MRC1: variants seen among roughly 807,000 people sequenced by gnomAD.
MRC1 encodes the protein mannose receptor C-type 1, also known as macrophage mannose receptor 1.
In MRC1, 62 loss-of-function variants were observed where a neutral mutation model predicts 102.9. The ratio of observed to expected loss-of-function variants is 0.60; its 90% CI spans 0.49 to 0.74. The LOEUF is 0.74. Among genes scored for constraint, MRC1 ranks in the 30% least tolerant of loss-of-function variants. MRC1 has a pLI of 0.00. For missense variants in MRC1, 1,237 were observed against 862.8 expected (o/e 1.43, Z -5.43); for synonymous variants, 457 against 298.4 (o/e 1.53, Z -5.48).
At chr10:17,817,348 C>A (rs1231640481) in intron 1 of MRC1, among the ~76,000 whole-genome samples, 1 of 151,362 alleles carries the variant, frequency 6.6e-6, no homozygotes, top group Non-Finnish European at 1.5e-5. Flanking sequence ...AAACTTATTG[C>A]ATGTTACTGG....
At chr10:17,839,336 C>G (rs1227929950) in intron 4 of MRC1, among the ~76,000 whole-genome samples, 2 of 152,148 alleles carry the variant, frequency 1.3e-5, no homozygotes, top group African/African-American at 2.4e-5. Context: ...AACTTAAATA[C>G]ACTTATTTTC....
intron 22 of MRC1, among the ~76,000 whole-genome samples, chr10:17,892,794 G>A (rs984335211): frequency 1.4e-4 from 21 of 152,036 alleles, no homozygotes; most frequent in Non-Finnish European, 2.5e-4. Flanking sequence ...GGCAGTTCAC[G>A]AGGTCAAGAG....
At chr10:17,855,259 G>T (rs1833069081) in intron 8 of MRC1, among the ~76,000 whole-genome samples, 4 of 152,172 alleles carry the variant, frequency 2.6e-5, no homozygotes, top group African/African-American at 9.6e-5. Flanking sequence ...AGACAGAGCT[G>T]ACTGCAGGGA....
chr10:17,879,605 C>T, intron 18 of MRC1, 116 bp from the exon 19 acceptor site: 1 of 778,514 alleles, frequency 1.3e-6, no homozygotes, highest in East Asian at 2.4e-5. Context: ...TCAGGTGATC[C>T]ACTCGCCTCG....
intron 11 of MRC1, among the ~76,000 whole-genome samples, chr10:17,865,030 C>T (rs1468379773): frequency 1.3e-5 from 2 of 152,062 alleles, no homozygotes; most frequent in African/African-American, 2.4e-5. Flanking sequence ...GAAATAGTCT[C>T]GGAAAGATTC....
In MRC1 at chr10:17,872,262, G is replaced by C. The variant is rs1037617273; in HGVS notation, c.2344+136G>C. 3.2e-5 allele frequency: 24 copies of C among 759,470 alleles called. No individual in the cohort carries two copies. The African/African-American group carries it at 4.1e-4, about 13-fold the overall frequency. The allele number at this position is 759,470 out of a possible 1,614,324, so 47.0% of individuals were successfully genotyped here. ...AACTGTCAGTGGCCATCATTGCATA[G>C]GATAAGCATGAAGTTGATAAGCACA... On this transcript the variant is annotated intron_variant, in intron 15 of 29. Coordinates refer to ENST00000569591, the MANE Select transcript of MRC1 (RefSeq NM_002438.4).
intron 11 of MRC1, 29 bp from the exon 12 acceptor site, chr10:17,866,533 G>C (rs1833270163): frequency 1.3e-6 from 1 of 780,748 alleles, no homozygotes; most frequent in African/African-American, 1.7e-5. Context: ...CACCTGTCAA[G>C]TGAATTCTAC....
chr10:17,858,938 C>T (rs1245628304), intron 9 of MRC1, among the ~76,000 whole-genome samples: 2 of 152,210 alleles, frequency 1.3e-5, no homozygotes, highest in Admixed American at 1.3e-4. Context: ...GTTCAACCTT[C>T]TCATTCTATT....
In MRC1 at chr10:17,907,768, T is replaced by C. The variant is rs1267202692; in HGVS notation, c.4078+70T>C. Reference sequence around the variant, plus strand: ...TTCTTTCAAATAGTAAGATATCAGGTATGGAATCATAATGTGATTACGAGG... The same window carrying C: ...TTCTTTCAAATAGTAAGATATCAGGCATGGAATCATAATGTGATTACGAGG... On this transcript the variant is annotated intron_variant, in intron 28 of 29. Coordinates refer to ENST00000569591, the MANE Select transcript of MRC1 (RefSeq NM_002438.4). The C allele has an allele frequency of 7.8e-6, 6 of 771,926 alleles. No individual in the cohort carries two copies. In the African/African-American group the frequency reaches 1.0e-4, roughly 13 times the overall value. 47.8% of individuals were successfully genotyped at this position (771,926 alleles called of 1,614,324 possible).
intron 26 of MRC1, 76 bp from the exon 27 acceptor site, chr10:17,906,810 T>C (rs1833902086): frequency 2.6e-6 from 2 of 780,176 alleles, no homozygotes. Flanking sequence ...TTGCTCTCAA[T>C]AGCAGTGCTG....
At chr10:17,840,843 T>G in intron 5 of MRC1, 37 bp downstream of exon 5, 2 of 780,780 alleles carry the variant, frequency 2.6e-6, no homozygotes, top group Non-Finnish European at 4.8e-6. Context: ...TTAATCCAAA[T>G]TTAAGTCATC....
intron 21 of MRC1, among the ~76,000 whole-genome samples, chr10:17,883,771 A>T (rs1833551378): frequency 6.6e-6 from 1 of 152,188 alleles, no homozygotes; most frequent in African/African-American, 2.4e-5. Context: ...CTAGGAGTTA[A>T]TGACTCAGGT....
intron 3 of MRC1, among the ~76,000 whole-genome samples, chr10:17,829,341 C>A (rs1263380675): frequency 1.3e-5 from 2 of 151,324 alleles, no homozygotes; most frequent in African/African-American, 4.9e-5. Flanking sequence ...ATTTATAATC[C>A]CTAATTATCA....
intron 1 of MRC1, among the ~76,000 whole-genome samples, chr10:17,821,233 A>G (rs921535374): frequency 1.8e-4 from 28 of 152,140 alleles, no homozygotes; most frequent in Admixed American, 1.8e-3. Context: ...CAGCGAGAGT[A>G]AGTCTTACTC....
At position 17,898,766 on chromosome 10, in the gene MRC1, A is replaced by G. The variant is rs1589195627; in HGVS notation, c.3483+500A>G. Among the ~76,000 whole-genome samples the G allele has an allele frequency of 3.3e-5, 5 of 152,312 alleles. 2 individuals are homozygous for G. Among genetic ancestry groups the G allele is most frequent in the African/African-American group, 1.2e-4 (5 of 41,572 alleles). Reference sequence around the variant, plus strand: ...AGTTCCTTGTATTCCATAATAGACTAAGGTTGGCAAAGACTAGGGAAGAGG... The same window carrying G: ...AGTTCCTTGTATTCCATAATAGACTGAGGTTGGCAAAGACTAGGGAAGAGG... On this transcript the variant is annotated intron_variant, in intron 24 of 29. Coordinates refer to ENST00000569591, the MANE Select transcript of MRC1 (RefSeq NM_002438.4).
chr10:17,825,826 C>T (rs1449933887), intron 2 of MRC1, among the ~76,000 whole-genome samples: 2 of 152,140 alleles, frequency 1.3e-5, no homozygotes, highest in Admixed American at 1.3e-4. Context: ...TACAACTAAC[C>T]CCAAGGTGGT....
chr10:17,898,061 C>T lies in MRC1; in HGVS notation c.3278C>T (p.Thr1093Met), dbSNP rs1486395056. 1.4e-5 allele frequency: 11 copies of T among 780,788 alleles called. No homozygotes were observed. The highest frequency in any genetic ancestry group is 2.3e-4 in the Middle Eastern group (1 of 4,436). 48.4% of individuals were successfully genotyped at this position (780,788 alleles called of 1,614,324 possible). A position where few individuals can be genotyped will look rare whatever the true frequency, so the allele number is the denominator to read the frequency against. The change falls in exon 24 of 30, where the codon ACG (threonine) becomes ATG (methionine). Residue 1093 changes from threonine to methionine, a missense_variant. Thr to Met is a moderately conservative substitution (Grantham distance 81). Transcript: ENST00000569591. ...CCTTCCTTGACTAATCCTCCAGCAA[C>T]GATTCAAACAGATGGCTTTGTTAAA... ...SDPSLTNPPA[T>M]IQTDGFVKYG...
intron 11 of MRC1, among the ~76,000 whole-genome samples, chr10:17,864,555 G>A (rs1319671166): frequency 2.0e-5 from 3 of 152,100 alleles, no homozygotes; most frequent in East Asian, 1.9e-4. Context: ...GAGGTCGGCC[G>A]CGGTGGCTCA....
rs1838351957 is a variant in MRC1, at chr10:17,818,897, G to C, written c.62-4177G>C. ...AACATGAAGTCACTAATGTGGAAGTGAGCCTGGAGAGTTTGAGGAGCTGAA... is the reference window on the plus strand; with the variant it reads ...AACATGAAGTCACTAATGTGGAAGTCAGCCTGGAGAGTTTGAGGAGCTGAA... On this transcript the variant is annotated intron_variant, in intron 1 of 29. Transcript: ENST00000569591. Among the ~76,000 whole-genome samples, 8 of 152,314 alleles carry C rather than the reference G, an allele frequency of 5.3e-5. No individual in the cohort carries two copies. In the South Asian group the frequency reaches 1.7e-3, roughly 32 times the overall value.
Sources: allele counts gnomAD v4.1 joint callset (sites outside exome capture counted in the v4.1 genomes callset), GRCh38; gene constraint gnomAD v4.1.1; transcripts MANE v1.5; gene names NCBI Gene and HGNC (gene_info 2026-07-23, HGNC 2026-07-21).